Variants in SEMA4F observed in about 807,000 individuals in gnomAD.
SEMA4F encodes ssemaphorin 4F, also known as semaphorin-4F.
SEMA4F carries 51 observed loss-of-function variants against 78.4 expected under a neutral mutation model. That is an observed-to-expected ratio of 0.65 (90% CI 0.52 to 0.82). The LOEUF is 0.82. Among genes scored for constraint, SEMA4F ranks in the 40% least tolerant of loss-of-function variants. SEMA4F has a pLI of 0.00. For synonymous variants in SEMA4F, 418 were observed against 408.7 expected, an observed-to-expected ratio of 1.02 and a Z score of -0.27; for missense variants, 938 against 1,014.4, an observed-to-expected ratio of 0.92 and a Z score of 1.02.
intron 4 of SEMA4F, among the ~76,000 whole-genome samples, chr2:74,660,655 C>G (rs73949691): frequency 2.6e-5 from 4 of 152,268 alleles, no homozygotes; most frequent in South Asian, 2.1e-4. Flanking sequence ...CTTTCAGACC[C>G]GAGTTAAATG....
At chr2:74,706,280 T>G in the SEMA4F span, among the ~76,000 whole-genome samples, 1 of 152,180 alleles carries the variant, frequency 6.6e-6, no homozygotes, top group African/African-American at 2.4e-5. Flanking sequence ...TCAGTGGGAT[T>G]TGAAACCAGA....
intron 5 of SEMA4F, 51 bp downstream of exon 5, chr2:74,662,876 C>T: frequency 7.1e-7 from 1 of 1,415,434 alleles, no homozygotes; most frequent in Middle Eastern, 1.8e-4. Context: ...TGCCTCCTTC[C>T]CCACCCTTGC....
chr2:74,697,628 C>G, the SEMA4F span, among the ~76,000 whole-genome samples: 1 of 152,064 alleles, frequency 6.6e-6, no homozygotes, highest in Non-Finnish European at 1.5e-5. Context: ...GGGGTTGCCT[C>G]CTGCTGGGGA....
the SEMA4F span, among the ~76,000 whole-genome samples, chr2:74,693,793 C>T: frequency 6.6e-6 from 1 of 152,026 alleles, no homozygotes; most frequent in Non-Finnish European, 1.5e-5. Context: ...GGTGTTTCCT[C>T]ATTTTTTTTT....
intron 7 of SEMA4F, 124 bp downstream of exon 7, chr2:74,673,952 T>C (rs918903449): frequency 2.9e-5 from 35 of 1,187,216 alleles, no homozygotes; most frequent in Non-Finnish European, 3.9e-5. Flanking sequence ...CTGCCTTGAC[T>C]TCTCTTCTGG....
chr2:74,701,618 T>G, the SEMA4F span, among the ~76,000 whole-genome samples: 5 of 152,196 alleles, frequency 3.3e-5, no homozygotes, highest in Admixed American at 6.5e-5. Context: ...CTCTCGTTGT[T>G]TGTAGCCTCT....
intron 2 of SEMA4F, 133 bp from the exon 3 acceptor site, chr2:74,657,432 A>G: frequency 1.4e-6 from 1 of 705,568 alleles, no homozygotes; most frequent in African/African-American, 1.8e-5. Flanking sequence ...CCTCCATTTG[A>G]AAAACAATGC....
chr2:74,657,200 G>C (rs1684196158), intron 2 of SEMA4F, among the ~76,000 whole-genome samples: 1 of 152,114 alleles, frequency 6.6e-6, no homozygotes, highest in African/African-American at 2.4e-5. Context: ...CCCCAAACCT[G>C]AAAAAATCTG....
downstream of SEMA4F, among the ~76,000 whole-genome samples, chr2:74,684,483 A>G (rs1437965894): frequency 2.6e-5 from 4 of 152,104 alleles, no homozygotes; most frequent in Admixed American, 2.6e-4. Flanking sequence ...AGCTTCCATG[A>G]TTGTAGAGAA....
chr2:74,679,344 G>C lies in SEMA4F; in HGVS notation c.1702+10G>C, dbSNP rs954434669. ...CCTAAAGAGCCTGGAGGTCTGTATG[G>C]TCTGTATGGATTAGGGAAATGTGGG... On this transcript the variant is annotated intron_variant, in intron 13 of 13. Coordinates refer to ENST00000357877, the MANE Select transcript of SEMA4F (RefSeq NM_004263.5). The C allele has an allele frequency of 1.9e-6, 3 of 1,608,828 alleles. No homozygotes were observed.
chr2:74,685,036 T>A (rs140160010), downstream of SEMA4F, among the ~76,000 whole-genome samples: 162 of 152,340 alleles, frequency 1.1e-3, no homozygotes, highest in Non-Finnish European at 1.9e-3. Context: ...GCTGCTGATG[T>A]CCTCTTTGTT....
the SEMA4F span, among the ~76,000 whole-genome samples, chr2:74,707,733 T>C: frequency 6.6e-6 from 1 of 152,162 alleles, no homozygotes. Context: ...AAGAAGTTCC[T>C]AGGGCACAGT....
Position 74,669,178 on chromosome 2 carries a change from C to T in SEMA4F, c.551-4279C>T, listed in dbSNP as rs190985672. Among the ~76,000 whole-genome samples the T allele has an allele frequency of 4.0e-3, 603 of 152,166 alleles. 3 individuals carry two copies. The highest frequency in any genetic ancestry group is 0.014 in the African/African-American group (580 of 41,504). On this transcript the variant is annotated intron_variant, in intron 5 of 13. Coordinates refer to ENST00000357877, the MANE Select transcript of SEMA4F (RefSeq NM_004263.5). ...AAAAAATTAGCCAGGCATAGTGGCG[C>T]ATGCCTGTGGTCCCAGCTACCTGGG...
chr2:74,694,809 G>A, the SEMA4F span, among the ~76,000 whole-genome samples: 1 of 152,364 alleles, frequency 6.6e-6, no homozygotes, highest in South Asian at 2.1e-4. Flanking sequence ...TGCTGGACAA[G>A]CTGAAGCTTA....
chr2:74,654,555 G>T, intron 1 of SEMA4F, 34 bp downstream of exon 1: 2 of 1,512,128 alleles, frequency 1.3e-6, no homozygotes, highest in East Asian at 2.6e-5. Flanking sequence ...TCAGCCCTTC[G>T]CGCCCACACC....
chr2:74,667,586 G>A (rs933417069), intron 5 of SEMA4F, among the ~76,000 whole-genome samples: 4 of 152,134 alleles, frequency 2.6e-5, no homozygotes, highest in African/African-American at 9.7e-5. Flanking sequence ...GAAAGCCTCC[G>A]AAATCTTATT....
chr2:74,699,391 AG>A, the SEMA4F span, among the ~76,000 whole-genome samples: 25 of 152,068 alleles, frequency 1.6e-4, no homozygotes, highest in Non-Finnish European at 3.2e-4. Flanking sequence ...GATACCTCCT[AG>A]GTTTTCAGCC....
intron 7 of SEMA4F, 82 bp from the exon 8 acceptor site, chr2:74,674,416 G>A: frequency 7.5e-7 from 1 of 1,324,706 alleles, no homozygotes; most frequent in Non-Finnish European, 1.0e-6. Context: ...CTGAAGTCAG[G>A]GAGGAAACTT....
chr2:74,708,555 T>C, the SEMA4F span, among the ~76,000 whole-genome samples: 23 of 152,086 alleles, frequency 1.5e-4, no homozygotes, highest in South Asian at 6.2e-4. Context: ...ACCTGGCAAT[T>C]ATGAAGCAGC....
Sources: gnomAD v4.1 joint callset for allele counts (sites outside exome capture counted in the v4.1 genomes callset) on GRCh38, gnomAD v4.1.1 for gene constraint, MANE v1.5 for transcripts, NCBI Gene and HGNC (gene_info 2026-07-23, HGNC 2026-07-21) for gene names.